Variants in FHOD1 observed in about 807,000 individuals in gnomAD.
FHOD1 encodes formin homology 2 domain containing 1.
A neutral mutation model predicts 111.6 loss-of-function variants in FHOD1; 89 were observed. The observed-to-expected ratio is 0.80, with a 90% CI of 0.67 to 0.95. The LOEUF is 0.95. FHOD1 is among the 40% of genes least tolerant of loss of function. The pLI is 0.00. For synonymous variants in FHOD1, 618 were observed against 639.0 expected, an observed-to-expected ratio of 0.97 and a Z score of 0.50; for missense variants, 1,446 against 1,554.2, an observed-to-expected ratio of 0.93 and a Z score of 1.17.
chr16:67,237,901 G>A lies in FHOD1; in HGVS notation c.642+133C>T. 1 of 1,309,408 alleles carries A rather than the reference G, an allele frequency of 7.6e-7. No homozygotes were observed. The highest frequency in any genetic ancestry group is 1.1e-6 in the Non-Finnish European group (1 of 918,714). 81.1% of individuals were successfully genotyped at this position (1,309,408 alleles called of 1,614,324 possible). A position where few individuals can be genotyped will look rare whatever the true frequency, so the allele number is the denominator to read the frequency against. On this transcript the variant is annotated intron_variant, in intron 6 of 21. Transcript: ENST00000258201. This position sits in a 1 kb window ranked among gnomAD's most constrained non-coding sequence, Gnocchi z 5.6. ...CAGAATGACCCTGGCCCCAGGCCCA[G>A]GCACTGAAGTGCCTTATAGGCTTAC...
At position 67,229,993 on chromosome 16, in the gene FHOD1, G is replaced by C. The variant is rs2034186743; in HGVS notation, c.3215-3C>G. On this transcript the variant is annotated splice_region_variant and splice_polypyrimidine_tract_variant and intron_variant, in intron 20 of 21. Transcript: ENST00000258201. ...TGGGGAGCTGCTCTGGACCATGCCTGAGGAAGGCCAGATAGCAAAGTCAGG... is the reference window on the plus strand; with the variant it reads ...TGGGGAGCTGCTCTGGACCATGCCTCAGGAAGGCCAGATAGCAAAGTCAGG... The C allele has an allele frequency of 6.2e-7, 1 of 1,613,506 alleles. No homozygotes were observed. The highest frequency in any genetic ancestry group is 1.7e-5 in the Admixed American group (1 of 59,990).
rs369889156 is a variant in FHOD1, at chr16:67,235,982, A to ATGGCAGGCC, written c.1319+566_1319+574dup. 13,147 of 965,582 alleles carry ATGGCAGGCC rather than the reference A, an allele frequency of 0.014. 1,032 individuals are homozygous for ATGGCAGGCC. In the African/African-American group the frequency reaches 0.18, roughly 13 times the overall value. The allele number at this position is 965,582 out of a possible 1,614,324, so 59.8% of individuals were successfully genotyped here. ...GAAGCAATGCTGAAGCCCTGAGCAC[A>ATGGCAGGCC]TGGCAGGCCTGGCAGGCCGGCCTCT... On this transcript the variant is annotated intron_variant, in intron 11 of 21. Transcript: ENST00000258201.
intron 11 of FHOD1, chr16:67,236,300 C>T (rs1220453575): frequency 6.2e-6 from 7 of 1,129,972 alleles, no homozygotes; most frequent in Admixed American, 3.2e-5. Flanking sequence ...AGATAGTGGG[C>T]GGGAGACATG....
Position 67,233,669 on chromosome 16 carries a change from C to T in FHOD1, c.2034G>A (p.Val678=), listed in dbSNP as rs1223578069. The T allele has an allele frequency of 6.3e-7, 1 of 1,596,614 alleles. No individual in the cohort carries two copies. Among genetic ancestry groups the T allele is most frequent in the South Asian group, 1.1e-5 (1 of 90,160 alleles). The change falls in exon 13 of 22, where the codon GTG becomes GTA. Residue 678 remains valine (V), a synonymous_variant. Coordinates refer to ENST00000258201, the MANE Select transcript of FHOD1 (RefSeq NM_013241.3). ...TGAGTGGATTTACCTTGGAGGGCAGCACCTCTTTGGCACGAGACTCAAAGA... is the reference window on the plus strand; with the variant it reads ...TGAGTGGATTTACCTTGGAGGGCAGTACCTCTTTGGCACGAGACTCAAAGA... ...EHLFESRAKE[V]LPSKKAGEGR... is the part of the protein sequence containing the mutation.
chr16:67,233,938 G>A lies in FHOD1; in HGVS notation c.1765C>T (p.Pro589Ser). The change falls in exon 13 of 22, where the codon CCA (proline) becomes TCA (serine). Residue 589 changes from proline to serine, a missense_variant. Physicochemically the swap from Pro to Ser is moderately conservative, Grantham distance 74. Around this residue, in one of 3 missense-constraint regions of FHOD1, gnomAD observed 1,085 missense variants for 1,108.8 expected, o/e 0.98. Coordinates refer to ENST00000258201, the MANE Select transcript of FHOD1 (RefSeq NM_013241.3). ...GGGCCTTTGATGGGTGGGGGAGGTG[G>A]AAGTGGGGGAGGGGGGGGTACTCCC... ...LSGVPPPPPL[P>S]PPPPIKGPFP... 2.4e-6 allele frequency: 2 copies of A among 845,552 alleles called. No individual in the cohort carries two copies. The highest frequency in any genetic ancestry group is 1.4e-5 in the South Asian group (1 of 71,396). 52.4% of individuals were successfully genotyped at this position (845,552 alleles called of 1,614,324 possible).
intron 11 of FHOD1, 40 bp downstream of exon 11, chr16:67,236,517 G>A (rs1567390020): frequency 6.3e-7 from 1 of 1,599,558 alleles, no homozygotes; most frequent in Admixed American, 1.7e-5. Flanking sequence ...AGGGACAATG[G>A]GAGAGAGGAC....
Position 67,238,851 on chromosome 16 carries a change from C to A in FHOD1, c.373+52G>T. On this transcript the variant is annotated intron_variant, in intron 3 of 21. Transcript: ENST00000258201. The surrounding 1 kb of genome is among the most constrained non-coding windows in gnomAD (Gnocchi z 4.2). Reference sequence around the variant, plus strand: ...CAGCACAGGCCTGAAGGTGAGCCAACTGGGCTATGGGGAGGAGGTGCTGCT... The same window carrying A: ...CAGCACAGGCCTGAAGGTGAGCCAAATGGGCTATGGGGAGGAGGTGCTGCT... 24 of 1,582,266 alleles carry A rather than the reference C, an allele frequency of 1.5e-5. No homozygotes were observed. Among genetic ancestry groups the A allele is most frequent in the Non-Finnish European group, 2.1e-5 (24 of 1,150,908 alleles).
At position 67,247,478 on chromosome 16, in the gene FHOD1, C is replaced by T; in HGVS notation, c.-68G>A. 3 of 1,512,458 alleles carry T rather than the reference C, an allele frequency of 2.0e-6. No homozygotes were observed. Among genetic ancestry groups the T allele is most frequent in the Non-Finnish European group, 2.7e-6 (3 of 1,117,086 alleles). The allele number at this position is 1,512,458 out of a possible 1,614,324, so 93.7% of individuals were successfully genotyped here. A position where few individuals can be genotyped will look rare whatever the true frequency, so the allele number is the denominator to read the frequency against. On this transcript the variant is annotated 5_prime_UTR_variant, in exon 1 of 22. It adds an upstream start codon to the 5' untranslated region. Coordinates refer to ENST00000258201, the MANE Select transcript of FHOD1 (RefSeq NM_013241.3). The stretch of plus-strand genomic sequence containing the variant: ...CCCAGTGCAGCTTCTACTCAAAGCA[C>T]ACTGTAGCTCCGCGGTTCGGGCCCG...
chr16:67,246,005 G>A (rs1299377695), intron 1 of FHOD1, among the ~76,000 whole-genome samples: 1 of 152,238 alleles, frequency 6.6e-6, no homozygotes, highest in South Asian at 2.1e-4. Context: ...AGAAGCGGGG[G>A]CTGAGTCAAA....
chr16:67,237,730 C>T lies in FHOD1; in HGVS notation c.681G>A (p.Leu227=). ...LVVKTALKLL[L]VFVEYSENNA... ...TGTTTTCGGAGTATTCTACAAACACCAACAGCAGCTTCAGGGCTGTCTTCA... is the reference window on the plus strand; with the variant it reads ...TGTTTTCGGAGTATTCTACAAACACTAACAGCAGCTTCAGGGCTGTCTTCA... The change falls in exon 7 of 22, where the codon TTG becomes TTA. Residue 227 remains leucine (L), a synonymous_variant. Transcript: ENST00000258201. This position sits in a 1 kb window ranked among gnomAD's most constrained non-coding sequence, Gnocchi z 5.6. The T allele has an allele frequency of 1.2e-6, 2 of 1,614,144 alleles. No homozygotes were observed. The highest frequency in any genetic ancestry group is 1.7e-6 in the Non-Finnish European group (2 of 1,180,034).
Position 67,238,120 on chromosome 16 carries a change from G to A in FHOD1, c.556C>T (p.Gln186Ter), listed in dbSNP as rs1227863684. 6.2e-7 allele frequency: 1 copy of A among 1,614,230 alleles called. No homozygotes were observed. Among genetic ancestry groups the A allele is most frequent in the Non-Finnish European group, 8.5e-7 (1 of 1,180,036 alleles). ...YQSYILRALG[Q>*]LMLFVDGMLG... ...ATTCCATCCACAAAGAGCATCAGCT[G>A]GCCGAGCGCTGGGGAAACAGGGATG... is the stretch of plus-strand genomic sequence containing the variant. Residue 186 changes from glutamine (Q) to a stop codon, truncating the protein, a stop_gained, in exon 6 of 22, where the codon CAG becomes TAG. Transcript: ENST00000258201. LOFTEE classifies it high-confidence loss of function. The surrounding 1 kb of genome is among the most constrained non-coding windows in gnomAD (Gnocchi z 4.2).
At chr16:67,235,098 G>T (rs2034431184) in intron 11 of FHOD1, among the ~76,000 whole-genome samples, 1 of 152,140 alleles carries the variant, frequency 6.6e-6, no homozygotes, top group East Asian at 1.9e-4. Flanking sequence ...AGGTCTTACT[G>T]TGTTGCCCAG....
chr16:67,240,839 T>C (rs2034643636), intron 1 of FHOD1, among the ~76,000 whole-genome samples: 1 of 152,256 alleles, frequency 6.6e-6, no homozygotes, highest in African/African-American at 2.4e-5. Flanking sequence ...GCCCTTGAGA[T>C]GCCTTGGCCC....
In FHOD1 at chr16:67,230,109, C is replaced by T. The variant is rs1327871283; in HGVS notation, c.3171G>A (p.Leu1057=). The T allele has an allele frequency of 3.1e-6, 5 of 1,614,104 alleles. No individual in the cohort carries two copies. Among genetic ancestry groups the T allele is most frequent in the East Asian group, 2.2e-5 (1 of 44,902 alleles). ...ADSHASMKSL[L]TSRPEDTTHN... The stretch of plus-strand genomic sequence containing the variant: ...GTGTGGTGTCCTCAGGCCTGCTGGT[C>T]AGCAGACTCTTCATACTAGCATGAC... Residue 1057 remains leucine (L), a synonymous_variant, in exon 20 of 22, where the codon CTG becomes CTA. Transcript: ENST00000258201.
Position 67,238,366 on chromosome 16 carries a change from C to T in FHOD1, c.441+14G>A, listed in dbSNP as rs1303170098. On this transcript the variant is annotated intron_variant, in intron 4 of 21. Coordinates refer to ENST00000258201, the MANE Select transcript of FHOD1 (RefSeq NM_013241.3). The surrounding 1 kb of genome is among the most constrained non-coding windows in gnomAD (Gnocchi z 4.2). ...GGGCTACACACTTACCCCCAGCCCACTGCGGGGCCTCACCTGGAAGATCTG... is the reference window on the plus strand; with the variant it reads ...GGGCTACACACTTACCCCCAGCCCATTGCGGGGCCTCACCTGGAAGATCTG... The T allele has an allele frequency of 6.2e-7, 1 of 1,614,120 alleles. No individual in the cohort carries two copies. The highest frequency in any genetic ancestry group is 8.5e-7 in the Non-Finnish European group (1 of 1,179,996).
intron 1 of FHOD1, among the ~76,000 whole-genome samples, chr16:67,242,109 C>T (rs1567395791): frequency 6.6e-6 from 1 of 152,276 alleles, no homozygotes; most frequent in East Asian, 1.9e-4. Context: ...GCTAAGGTTA[C>T]AGGCGTGCAT....
At chr16:67,239,324 C>T (rs771434315) in intron 2 of FHOD1, 24 bp downstream of exon 2, 60 of 1,592,916 alleles carry the variant, frequency 3.8e-5, no homozygotes, top group Non-Finnish European at 5.0e-5. Context: ...GTAACCTTGC[C>T]TCCCTGGCCC....
chr16:67,237,129 C>T lies in FHOD1; in HGVS notation c.994-15G>A. 1 of 1,605,506 alleles carries T rather than the reference C, an allele frequency of 6.2e-7. No homozygotes were observed. The highest frequency in any genetic ancestry group is 8.5e-7 in the Non-Finnish European group (1 of 1,175,438). ...TTCAGGGCGTTCTAGCAGAGGCGGA[C>T]CAGGATGTAAGAAAGTGGTTAACGT... On this transcript the variant is annotated splice_polypyrimidine_tract_variant and intron_variant, in intron 9 of 21. Transcript: ENST00000258201. This position sits in a 1 kb window ranked among gnomAD's most constrained non-coding sequence, Gnocchi z 5.6.
chr16:67,243,382 CT>C (rs200485758), intron 1 of FHOD1, among the ~76,000 whole-genome samples: 323 of 144,662 alleles, frequency 2.2e-3, no homozygotes, highest in Non-Finnish European at 3.6e-3. Context: ...TTTTTCTTTT[CT>C]TTTTTTTTTT....
Sources: allele counts gnomAD v4.1 joint callset (sites outside exome capture counted in the v4.1 genomes callset), GRCh38; gene constraint gnomAD v4.1.1; regional missense constraint gnomAD v4.1.1; non-coding constraint Gnocchi (gnomAD v3.1); transcripts MANE v1.5; gene names NCBI Gene and HGNC (gene_info 2026-07-23, HGNC 2026-07-21).